The following NETO2 variants were observed in gnomAD, a reference collection of about 807,000 sequenced individuals.
NETO2 encodes the protein neuropilin and tolloid-like protein 2.
In NETO2, 28 loss-of-function variants were observed where a neutral mutation model predicts 62.5. The ratio of observed to expected loss-of-function variants is 0.45; its 90% CI spans 0.33 to 0.61. The LOEUF is 0.61. Ranked by LOEUF, NETO2 falls within the 20% of genes least tolerant of loss-of-function variation. NETO2 has a pLI of 0.02. For missense variants in NETO2, 548 were observed against 643.2 expected (o/e 0.85, Z 1.60); for synonymous variants, 214 against 219.1 (o/e 0.98, Z 0.21).
rs200346455 is a variant in NETO2 at position 47,122,928 on chromosome 16, G to A, written c.482-16C>T. On this transcript the variant is annotated splice_polypyrimidine_tract_variant and intron_variant, in intron 4 of 8. Coordinates refer to ENST00000562435, the MANE Select transcript of NETO2 (RefSeq NM_018092.5). ...AAGTCTGGATCTGTAACAGAAAAAA[G>A]AAGAAAGTCATTGGTACTGAGATAG... The A allele has an allele frequency of 1.8e-4, 283 of 1,611,688 alleles. No homozygotes were observed. Among genetic ancestry groups the A allele is most frequent in the Admixed American group, 3.8e-4 (23 of 59,872 alleles).
chr16:47,128,703 C>T (rs1964206712), intron 3 of NETO2, 130 bp from the exon 4 acceptor site: 5 of 919,314 alleles, frequency 5.4e-6, no homozygotes, highest in African/African-American at 3.3e-5. Flanking sequence ...GTGAGAATTG[C>T]TATACAAGTC....
At chr16:47,087,460 G>A (rs960703391) in intron 7 of NETO2, among the ~76,000 whole-genome samples, 1 of 152,186 alleles carries the variant, frequency 6.6e-6, no homozygotes, top group Non-Finnish European at 1.5e-5. Context: ...GAATGGGGAG[G>A]TGATGTTTAA....
At chr16:47,132,555 A>G (rs1964287072) in intron 1 of NETO2, among the ~76,000 whole-genome samples, 1 of 152,232 alleles carries the variant, frequency 6.6e-6, no homozygotes, top group Non-Finnish European at 1.5e-5. Context: ...GCTCTGTGCT[A>G]CAAAGGCTAG....
chr16:47,099,931 A>T (rs939046661), intron 7 of NETO2, among the ~76,000 whole-genome samples: 6 of 152,222 alleles, frequency 3.9e-5, no homozygotes, highest in African/African-American at 1.4e-4. Flanking sequence ...GATATTCAGG[A>T]CTTGAACTCA....
intron 1 of NETO2, among the ~76,000 whole-genome samples, chr16:47,133,851 T>C (rs1292904820): frequency 6.6e-6 from 1 of 152,166 alleles, no homozygotes; most frequent in African/African-American, 2.4e-5. Context: ...GAAGCCCTTG[T>C]AGGTTTTTAA....
intron 6 of NETO2, among the ~76,000 whole-genome samples, chr16:47,121,260 G>A (rs1268847055): frequency 2.0e-5 from 3 of 152,102 alleles, no homozygotes; most frequent in South Asian, 2.1e-4. Context: ...CGGTGAACTC[G>A]TACCCATGGT....
chr16:47,140,465 T>A (rs1190897559), intron 1 of NETO2, among the ~76,000 whole-genome samples: 1 of 152,232 alleles, frequency 6.6e-6, no homozygotes, highest in Non-Finnish European at 1.5e-5. Flanking sequence ...CATTTTTCTA[T>A]CTTTTCTAAA....
chr16:47,083,868 G>A (rs1220482521), intron 8 of NETO2, 67 bp from the exon 9 acceptor site: 1 of 1,240,200 alleles, frequency 8.1e-7, no homozygotes, highest in African/African-American at 1.5e-5. Context: ...GTACAAATTA[G>A]TAAGGTATTT....
chr16:47,137,128 G>C (rs1310488796), intron 1 of NETO2, among the ~76,000 whole-genome samples: 1 of 152,166 alleles, frequency 6.6e-6, no homozygotes, highest in Non-Finnish European at 1.5e-5. Context: ...GGTTAATCTG[G>C]TAGAATATAT....
intron 7 of NETO2, among the ~76,000 whole-genome samples, chr16:47,088,596 G>C (rs1963247816): frequency 1.3e-5 from 2 of 152,026 alleles, no homozygotes; most frequent in South Asian, 4.1e-4. Flanking sequence ...TTTCAAGATA[G>C]AGTATCTAAA....
In NETO2 at chr16:47,082,101, AATT is replaced by A. The variant is rs1447506528; in HGVS notation, c.*1117_*1119del. On this transcript the variant is annotated 3_prime_UTR_variant, in exon 9 of 9. Coordinates refer to ENST00000562435, the MANE Select transcript of NETO2 (RefSeq NM_018092.5). ...AACACAATGAGCTTTTATGTTTATA[AATT>A]ATTGTTTTTATACCATAAAAAAAGT... 2 of 152,350 alleles carry A rather than the reference AATT, an allele frequency of 1.3e-5. No homozygotes were observed. The highest frequency in any genetic ancestry group is 3.0e-5 in the Non-Finnish European group (2 of 67,794). The allele number at this position is 152,350 out of a possible 1,614,324, so 9.4% of individuals were successfully genotyped here. A position where few individuals can be genotyped will look rare whatever the true frequency, so the allele number is the denominator to read the frequency against.
intron 7 of NETO2, among the ~76,000 whole-genome samples, chr16:47,106,952 T>G (rs888449091): frequency 6.6e-6 from 1 of 152,002 alleles, no homozygotes; most frequent in Non-Finnish European, 1.5e-5. Flanking sequence ...CCACTAATTT[T>G]TGTATCTTTA....
At chr16:47,115,730 T>TATATATATATAC (rs1963904336) in intron 6 of NETO2, among the ~76,000 whole-genome samples, 2 of 125,994 alleles carry the variant, frequency 1.6e-5, no homozygotes, top group Admixed American at 7.5e-5. Context: ...TATATATATA[T>TATATATATATAC]ACATGTATAT....
intron 1 of NETO2, among the ~76,000 whole-genome samples, chr16:47,138,091 T>C (rs376968216): frequency 6.6e-6 from 1 of 152,136 alleles, no homozygotes; most frequent in African/African-American, 2.4e-5. Context: ...TAAAGGGCAT[T>C]CTCTCTTTCT....
intron 1 of NETO2, among the ~76,000 whole-genome samples, chr16:47,139,171 C>G (rs1964417210): frequency 6.6e-6 from 1 of 152,182 alleles, no homozygotes; most frequent in Admixed American, 6.5e-5. Context: ...CAACAGTATT[C>G]AATACAGACA....
intron 1 of NETO2, among the ~76,000 whole-genome samples, chr16:47,134,241 A>C (rs1271329158): frequency 1.3e-5 from 2 of 152,098 alleles, no homozygotes; most frequent in Non-Finnish European, 2.9e-5. Context: ...CTTAAAATCT[A>C]ATTCTTTGAC....
At chr16:47,094,306 G>A (rs1963382243) in intron 7 of NETO2, among the ~76,000 whole-genome samples, 1 of 149,110 alleles carries the variant, frequency 6.7e-6, no homozygotes. Flanking sequence ...TGGCTGAGGA[G>A]TTTAAGGAGA....
Position 47,143,717 on chromosome 16 carries a change from C to G in NETO2, c.-105G>C. On this transcript the variant is annotated 5_prime_UTR_variant, in exon 1 of 9. Coordinates refer to ENST00000562435, the MANE Select transcript of NETO2 (RefSeq NM_018092.5). ...CGACGGCCCCACTCCGTCCCCATCG[C>G]CGGCCAGCAGCTGCCTCCCCGCTCC... 8.4e-7 allele frequency: 1 copy of G among 1,196,240 alleles called. No individual in the cohort carries two copies. The highest frequency in any genetic ancestry group is 1.0e-6 in the Non-Finnish European group (1 of 961,428). The allele number at this position is 1,196,240 out of a possible 1,614,324, so 74.1% of individuals were successfully genotyped here. A position where few individuals can be genotyped will look rare whatever the true frequency, so the allele number is the denominator to read the frequency against.
chr16:47,108,703 T>G (rs970634507), intron 7 of NETO2, among the ~76,000 whole-genome samples: 1 of 152,186 alleles, frequency 6.6e-6, no homozygotes, highest in Admixed American at 6.5e-5. Flanking sequence ...TGTGGGAAAC[T>G]GGATCATAAA....
Sources: allele counts gnomAD v4.1 joint callset (sites outside exome capture counted in the v4.1 genomes callset), GRCh38; gene constraint gnomAD v4.1.1; transcripts MANE v1.5; gene names NCBI Gene and HGNC (gene_info 2026-07-23, HGNC 2026-07-21).